Variants in CHRNA9 observed in about 807,000 individuals in gnomAD.
CHRNA9 encodes cholinergic receptor nicotinic alpha 9 subunit, also known as neuronal acetylcholine receptor subunit alpha-9.
Under a neutral mutation model 36.8 loss-of-function variants are expected in CHRNA9, and 24 were observed. That is an observed-to-expected ratio of 0.65 (90% CI 0.47 to 0.92). The LOEUF is 0.92. CHRNA9 is among the 40% of genes least tolerant of loss of function. The pLI is 0.00. For missense variants in CHRNA9, 610 were observed against 601.2 expected (o/e 1.01, Z -0.15); for synonymous variants, 231 against 231.8 (o/e 1.00, Z 0.03).
At position 40,354,692 on chromosome 4, in the gene CHRNA9, G is replaced by A; in HGVS notation, c.*172G>A. 1.6e-6 allele frequency: 1 copy of A among 627,664 alleles called. No individual in the cohort carries two copies. Among genetic ancestry groups the A allele is most frequent in the Non-Finnish European group, 2.7e-6 (1 of 369,812 alleles). The allele number at this position is 627,664 out of a possible 1,614,324, so 38.9% of individuals were successfully genotyped here. A position where few individuals can be genotyped will look rare whatever the true frequency, so the allele number is the denominator to read the frequency against. ...GCTATCTGCTCTGTTAAATTAAGCA[G>A]AAGAACCAAAATTTCAAGGGTAGGA... is the stretch of plus-strand genomic sequence containing the variant. On this transcript the variant is annotated 3_prime_UTR_variant, in exon 5 of 5. Coordinates refer to ENST00000310169, the MANE Select transcript of CHRNA9 (RefSeq NM_017581.4).
chr4:40,342,746 AAGG>A (rs1208850789), intron 3 of CHRNA9, among the ~76,000 whole-genome samples: 3 of 152,222 alleles, frequency 2.0e-5, no homozygotes, highest in East Asian at 1.9e-4. Flanking sequence ...CAGTGTGTGG[AAGG>A]AGATGAGAGA....
intron 3 of CHRNA9, among the ~76,000 whole-genome samples, chr4:40,345,536 A>G (rs893535838): frequency 6.6e-6 from 1 of 151,880 alleles, no homozygotes; most frequent in Non-Finnish European, 1.5e-5. Context: ...AAATGGTGAA[A>G]CACTGTTTCT....
chr4:40,345,388 C>CA (rs920619117), intron 3 of CHRNA9, among the ~76,000 whole-genome samples: 7 of 151,324 alleles, frequency 4.6e-5, no homozygotes, highest in East Asian at 1.9e-4. Flanking sequence ...ATGGTCTCTA[C>CA]AAAAAAAATA....
chr4:40,340,751 G>A (rs1401971692), intron 3 of CHRNA9, among the ~76,000 whole-genome samples: 1 of 152,130 alleles, frequency 6.6e-6, no homozygotes, highest in African/African-American at 2.4e-5. Context: ...CATGGGGCTA[G>A]ACTGGTTAGG....
At position 40,344,582 on chromosome 4, in the gene CHRNA9, C is replaced by T. The variant is rs564519475; in HGVS notation, c.366-4300C>T. ...GATTTAGGTTTTTGGTAGTTTGCTA[C>T]AGCAGCAATAGAAATTAATATATAT... On this transcript the variant is annotated intron_variant, in intron 3 of 4. Coordinates refer to ENST00000310169, the MANE Select transcript of CHRNA9 (RefSeq NM_017581.4). Among the ~76,000 whole-genome samples the T allele has an allele frequency of 2.0e-3, 304 of 151,144 alleles. 1 individual carries two copies. The highest frequency in any genetic ancestry group is 3.7e-3 in the Non-Finnish European group (248 of 67,866).
In CHRNA9 at chr4:40,349,011, C is replaced by A. The variant is rs1252040059; in HGVS notation, c.495C>A (p.Asp165Glu). 3.7e-6 allele frequency: 6 copies of A among 1,614,120 alleles called. No homozygotes were observed. The highest frequency in any genetic ancestry group is 5.1e-6 in the Non-Finnish European group (6 of 1,180,050). ...TGGATGTCACCTACTTCCCTTTTGACAACCAGCAGTGCAACCTGACTTTTG... is the reference window on the plus strand; with the variant it reads ...TGGATGTCACCTACTTCCCTTTTGAAAACCAGCAGTGCAACCTGACTTTTG... ...CVVDVTYFPF[D>E]NQQCNLTFGS... The change falls in exon 4 of 5, where the codon GAC becomes GAA. Residue 165 changes from aspartate to glutamate, a missense_variant. Transcript: ENST00000310169.
intron 1 of CHRNA9, 44 bp downstream of exon 1, chr4:40,335,575 C>A (rs1712292759): frequency 6.7e-7 from 1 of 1,486,646 alleles, no homozygotes; most frequent in South Asian, 1.1e-5. Context: ...TCATCTGGGG[C>A]TATTGCTTTG....
intron 3 of CHRNA9, among the ~76,000 whole-genome samples, chr4:40,340,259 C>T (rs1192942550): frequency 6.6e-6 from 1 of 152,260 alleles, no homozygotes; most frequent in East Asian, 1.9e-4. Context: ...GATTCATCAT[C>T]TCCTTTTTGT....
At chr4:40,349,436 T>C in intron 4 of CHRNA9, 22 bp downstream of exon 4, 1 of 1,598,764 alleles carries the variant, frequency 6.3e-7, no homozygotes, top group Non-Finnish European at 8.5e-7. Flanking sequence ...TGTCTTCCAC[T>C]TCAAGCCCAG....
At chr4:40,339,152 G>A (rs113727452) in intron 3 of CHRNA9, among the ~76,000 whole-genome samples, 21,326 of 150,694 alleles carry the variant, frequency 0.14, 1,548 homozygotes, top group African/African-American at 0.16. Flanking sequence ...GGTGGCGGGC[G>A]CCTGTAATCC....
At chr4:40,338,267 C>A (rs985432867) in intron 3 of CHRNA9, 1 of 152,120 alleles carries the variant, frequency 6.6e-6, no homozygotes, top group Non-Finnish European at 1.5e-5. Flanking sequence ...GTTTCGCAAG[C>A]TGTAAGGTGC....
Position 40,348,964 on chromosome 4 carries a change from A to T in CHRNA9, c.448A>T (p.Ile150Phe). The change falls in exon 4 of 5, where the codon ATC becomes TTC. Residue 150 changes from isoleucine (I) to phenylalanine (F), a missense_variant. Transcript: ENST00000310169. ...GCTGATCACCTGGGATGCACCGGCC[A>T]TCACCAAAAGCTCCTGTGTGGTGGA... Reference protein sequence around the residue: ...DGLITWDAPAITKSSCVVDVT... With the variant: ...DGLITWDAPAFTKSSCVVDVT... The T allele has an allele frequency of 1.2e-6, 2 of 1,614,218 alleles. No individual in the cohort carries two copies. Among genetic ancestry groups the T allele is most frequent in the Non-Finnish European group, 1.7e-6 (2 of 1,180,018 alleles).
intron 3 of CHRNA9, chr4:40,338,113 T>C (rs6813750): frequency 0.14 from 21,852 of 152,076 alleles, 3,291 homozygotes; most frequent in African/African-American, 0.38. Context: ...AATAATTAAT[T>C]AAACCGGAAT....
At chr4:40,349,699 C>A (rs867167659) in intron 4 of CHRNA9, 2 of 332,700 alleles carry the variant, frequency 6.0e-6, no homozygotes, top group South Asian at 6.7e-5. Flanking sequence ...TGCACAGCAT[C>A]GGCATCCCCT....
At chr4:40,342,057 T>C (rs532142383) in intron 3 of CHRNA9, among the ~76,000 whole-genome samples, 47 of 152,316 alleles carry the variant, frequency 3.1e-4, no homozygotes, top group African/African-American at 1.1e-3. Context: ...CCCCAGTGGT[T>C]GGATTTTAAT....
In CHRNA9 at chr4:40,337,351, G is replaced by A. The variant is rs779695577; in HGVS notation, c.352G>A (p.Val118Ile). The change falls in exon 3 of 5, where the codon GTC becomes ATC. Residue 118 changes from valine to isoleucine, a missense_variant. Physicochemically the swap from Val to Ile is conservative, Grantham distance 29. Transcript: ENST00000310169. ...TGACCTCGTGTGGAGGCCAGACATC[G>A]TCTTATATAACAAGTAAGTGCAGCT... ...PSDLVWRPDI[V>I]LYNKADDESS... is the part of the protein sequence containing the mutation. 1.5e-5 allele frequency: 25 copies of A among 1,613,978 alleles called. No individual in the cohort carries two copies. The highest frequency in any genetic ancestry group is 6.6e-5 in the South Asian group (6 of 91,086).
In CHRNA9 at chr4:40,348,812, G is replaced by A. The variant is rs1712708957; in HGVS notation, c.366-70G>A. On this transcript the variant is annotated intron_variant, in intron 3 of 4. Coordinates refer to ENST00000310169, the MANE Select transcript of CHRNA9 (RefSeq NM_017581.4). ...AACACTGAAGTGATGGGGACAGTGA[G>A]CTGTCTGGGGTAAGGAAGGTGGCAA... 4 of 1,469,082 alleles carry A rather than the reference G, an allele frequency of 2.7e-6. No homozygotes were observed. In the South Asian group the frequency reaches 3.7e-5, roughly 14 times the overall value. 91.0% of individuals were successfully genotyped at this position (1,469,082 alleles called of 1,614,324 possible). A position where few individuals can be genotyped will look rare whatever the true frequency, so the allele number is the denominator to read the frequency against.
Position 40,354,583 on chromosome 4 carries a change from T to A in CHRNA9, c.*63T>A. ...TACAATTCCCTGTGATCTATTCCAA[T>A]GTTCTTCCAAGATTTTTGTTCATCT... On this transcript the variant is annotated 3_prime_UTR_variant, in exon 5 of 5. Transcript: ENST00000310169. The A allele has an allele frequency of 7.4e-7, 1 of 1,342,916 alleles. No homozygotes were observed. The highest frequency in any genetic ancestry group is 1.0e-6 in the Non-Finnish European group (1 of 974,032). 83.2% of individuals were successfully genotyped at this position (1,342,916 alleles called of 1,614,324 possible).
rs754877378 is a variant in CHRNA9 at position 40,349,014 on chromosome 4, C to A, written c.498C>A (p.Asn166Lys). 6.2e-7 allele frequency: 1 copy of A among 1,614,186 alleles called. No individual in the cohort carries two copies. The highest frequency in any genetic ancestry group is 1.1e-5 in the South Asian group (1 of 91,076). The change falls in exon 4 of 5, where the codon AAC (asparagine) becomes AAA (lysine). Residue 166 changes from asparagine to lysine, a missense_variant. Coordinates refer to ENST00000310169, the MANE Select transcript of CHRNA9 (RefSeq NM_017581.4). ...ATGTCACCTACTTCCCTTTTGACAA[C>A]CAGCAGTGCAACCTGACTTTTGGTT... ...VVDVTYFPFD[N>K]QQCNLTFGSW...
Sources: allele counts gnomAD v4.1 joint callset (sites outside exome capture counted in the v4.1 genomes callset), GRCh38; gene constraint gnomAD v4.1.1; transcripts MANE v1.5; gene names NCBI Gene and HGNC (gene_info 2026-07-23, HGNC 2026-07-21).